CACNB2: variants seen among roughly 807,000 people sequenced by gnomAD.
CACNB2 encodes the protein voltage-dependent L-type calcium channel subunit beta-2.
A neutral mutation model predicts 73.3 loss-of-function variants in CACNB2; 42 were observed. The observed-to-expected ratio is 0.57, with a 90% CI of 0.45 to 0.74. The LOEUF (loss-of-function observed/expected upper bound fraction) is 0.74. Ranked by LOEUF, CACNB2 falls within the 30% of genes least tolerant of loss-of-function variation. CACNB2 has a pLI of 0.00. For synonymous variants in CACNB2, 348 were observed against 310.3 expected, an observed-to-expected ratio of 1.12 and a Z score of -1.28; for missense variants, 940 against 853.0, an observed-to-expected ratio of 1.10 and a Z score of -1.27.
intron 13 of CACNB2, among the ~76,000 whole-genome samples, chr10:18,538,613 C>CTAGAT (rs964911016): frequency 3.0e-4 from 45 of 152,120 alleles, no homozygotes; most frequent in African/African-American, 1.0e-3. Flanking sequence ...AGTGGATCAC[C>CTAGAT]TAGATTCAAA....
At chr10:18,283,320 G>A (rs1446732760) in intron 2 of CACNB2, among the ~76,000 whole-genome samples, 1 of 152,114 alleles carries the variant, frequency 6.6e-6, no homozygotes, top group Non-Finnish European at 1.5e-5. Flanking sequence ...CCATTACTGG[G>A]TATATACCCA....
intron 3 of CACNB2, among the ~76,000 whole-genome samples, chr10:18,484,937 T>C (rs1270072131): frequency 6.6e-6 from 1 of 152,192 alleles, no homozygotes; most frequent in Non-Finnish European, 1.5e-5. Context: ...GGCAGATTGC[T>C]TGAGTCCAGG....
intron 2 of CACNB2, among the ~76,000 whole-genome samples, chr10:18,365,631 T>C (rs1268759354): frequency 1.5e-5 from 2 of 137,530 alleles, no homozygotes; most frequent in African/African-American, 5.3e-5. Context: ...AGGTTATTGT[T>C]ATTTTTTAAG....
At chr10:18,238,147 T>C (rs1396215252) in intron 2 of CACNB2, among the ~76,000 whole-genome samples, 1 of 152,218 alleles carries the variant, frequency 6.6e-6, no homozygotes, top group Non-Finnish European at 1.5e-5. Flanking sequence ...ATTTGGCATG[T>C]GGTTTTATAA....
intron 2 of CACNB2, among the ~76,000 whole-genome samples, chr10:18,318,151 G>T (rs995726526): frequency 3.3e-5 from 5 of 152,092 alleles, no homozygotes; most frequent in Admixed American, 1.3e-4. Context: ...AACCAAAAAA[G>T]AGCCTGTATA....
chr10:18,332,892 G>T (rs1390663825), intron 2 of CACNB2, among the ~76,000 whole-genome samples: 1 of 152,146 alleles, frequency 6.6e-6, no homozygotes, highest in African/African-American at 2.4e-5. Context: ...ATGAAAAAGA[G>T]ACTTTACCAT....
chr10:18,187,977 G>A (rs1488980352), intron 2 of CACNB2, among the ~76,000 whole-genome samples: 1 of 152,100 alleles, frequency 6.6e-6, no homozygotes, highest in Non-Finnish European at 1.5e-5. Context: ...GCGGCAGTGT[G>A]GGTTTCTTGA....
chr10:18,210,519 G>A (rs2035275703), intron 2 of CACNB2, among the ~76,000 whole-genome samples: 1 of 152,062 alleles, frequency 6.6e-6, no homozygotes, highest in Admixed American at 6.6e-5. Flanking sequence ...TCGTAGTTAA[G>A]AACCCAGGGA....
intron 2 of CACNB2, among the ~76,000 whole-genome samples, chr10:18,338,137 G>A (rs1236708762): frequency 6.6e-6 from 1 of 152,176 alleles, no homozygotes; most frequent in African/African-American, 2.4e-5. Flanking sequence ...GCAGCCTGTG[G>A]GTTGGGAAAA....
chr10:18,376,081 T>C (rs918029983), intron 2 of CACNB2, among the ~76,000 whole-genome samples: 3 of 152,180 alleles, frequency 2.0e-5, no homozygotes, highest in Non-Finnish European at 4.4e-5. Flanking sequence ...AGCCAGGATT[T>C]GGCAGCATCT....
At chr10:18,378,948 C>T (rs1047758371) in intron 2 of CACNB2, among the ~76,000 whole-genome samples, 3 of 152,156 alleles carry the variant, frequency 2.0e-5, no homozygotes, top group Non-Finnish European at 1.5e-5. Flanking sequence ...GTTCTAGGTG[C>T]TGGGGGCCAA....
At chr10:18,340,652 A>G in intron 2 of CACNB2, 4 of 1,330,852 alleles carry the variant, frequency 3.0e-6, no homozygotes, top group Non-Finnish European at 3.9e-6. Flanking sequence ...AATTCAGAGG[A>G]GAATAAGACC....
chr10:18,211,756 C>A (rs974973386), intron 2 of CACNB2, among the ~76,000 whole-genome samples: 1 of 152,184 alleles, frequency 6.6e-6, no homozygotes, highest in African/African-American at 2.4e-5. Context: ...AGTAATGTTA[C>A]ACATGGAGCA....
intron 2 of CACNB2, among the ~76,000 whole-genome samples, chr10:18,187,665 C>T (rs551867372): frequency 6.6e-6 from 1 of 151,936 alleles, no homozygotes; most frequent in African/African-American, 2.4e-5. Flanking sequence ...AGAGGAAAAA[C>T]AGTCTTTGGG....
chr10:18,361,911 C>A (rs967581909), intron 2 of CACNB2, among the ~76,000 whole-genome samples: 2 of 152,192 alleles, frequency 1.3e-5, no homozygotes, highest in Non-Finnish European at 2.9e-5. Flanking sequence ...CCACACCCAG[C>A]CTAAGGTAGC....
chr10:18,218,263 A>T (rs748379800), intron 2 of CACNB2, among the ~76,000 whole-genome samples: 2 of 152,258 alleles, frequency 1.3e-5, no homozygotes, highest in East Asian at 3.8e-4. Flanking sequence ...GAGTGACAGC[A>T]TAATATTTTG....
chr10:18,320,680 AG>A (rs1007997388), intron 2 of CACNB2, among the ~76,000 whole-genome samples: 3 of 152,198 alleles, frequency 2.0e-5, no homozygotes, highest in African/African-American at 7.2e-5. Context: ...TGTAACCCAC[AG>A]GGTTGTTTTT....
At chr10:18,260,144 G>C (rs965354219) in intron 2 of CACNB2, among the ~76,000 whole-genome samples, 1 of 152,130 alleles carries the variant, frequency 6.6e-6, no homozygotes. Flanking sequence ...ATGAACAGCT[G>C]AATCTCCACA....
intron 2 of CACNB2, among the ~76,000 whole-genome samples, chr10:18,226,604 C>G (rs138812279): frequency 3.3e-5 from 5 of 152,310 alleles, no homozygotes; most frequent in Middle Eastern, 3.4e-3. Context: ...GCCGGCACTT[C>G]TTGAGATTCA....
Sources: allele counts gnomAD v4.1 joint callset (sites outside exome capture counted in the v4.1 genomes callset), GRCh38; gene constraint gnomAD v4.1.1; transcripts MANE v1.5; gene names NCBI Gene and HGNC (gene_info 2026-07-23, HGNC 2026-07-21).